Variants in KCNQ4 observed in about 807,000 individuals in gnomAD.
KCNQ4 encodes the protein potassium voltage-gated channel subfamily KQT member 4.
Under a neutral mutation model 72.6 loss-of-function variants are expected in KCNQ4, and 31 were observed. That is an observed-to-expected ratio of 0.43 (90% CI 0.32 to 0.58). The LOEUF is 0.58. KCNQ4 is among the 20% of genes least tolerant of loss of function. The pLI, the probability that KCNQ4 is intolerant of heterozygous loss-of-function variation, is 0.08. For missense variants in KCNQ4, 869 were observed against 962.6 expected (o/e 0.90, Z 1.29); for synonymous variants, 405 against 403.7 (o/e 1.00, Z -0.04).
intron 1 of KCNQ4, among the ~76,000 whole-genome samples, chr1:40,796,479 C>G (rs1647413932): frequency 6.6e-6 from 1 of 152,156 alleles, no homozygotes; most frequent in Non-Finnish European, 1.5e-5. Flanking sequence ...GGTTACGTGA[C>G]TTGCCTGGGT....
chr1:40,784,379 G>T lies in KCNQ4; in HGVS notation c.286G>T (p.Gly96Cys), dbSNP rs1172931093. The T allele has an allele frequency of 3.1e-6, 5 of 1,609,902 alleles. No homozygotes were observed. The highest frequency in any genetic ancestry group is 2.2e-5 in the East Asian group (1 of 44,808). Residue 96 changes from glycine to cysteine, a missense_variant, in exon 1 of 14, where the codon GGC becomes TGC. Coordinates refer to ENST00000347132, the MANE Select transcript of KCNQ4 (RefSeq NM_004700.4). This position sits in a 1 kb window ranked among gnomAD's most constrained non-coding sequence, Gnocchi z 4.1. ...CTACAACGTGCTGGAGCGGCCCCGC[G>T]GCTGGGCCTTCGTCTACCACGTCTT... ...WVYNVLERPR[G>C]WAFVYHVFIF...
chr1:40,814,586 C>A (rs1176914201), intron 1 of KCNQ4, among the ~76,000 whole-genome samples: 2 of 152,002 alleles, frequency 1.3e-5, no homozygotes, highest in Non-Finnish European at 2.9e-5. Flanking sequence ...TGCCTGTGGT[C>A]TCAGCTACTC....
chr1:40,784,508 C>T lies in KCNQ4; in HGVS notation c.314+101C>T. 1.8e-6 allele frequency: 2 copies of T among 1,133,942 alleles called. No individual in the cohort carries two copies. The highest frequency in any genetic ancestry group is 2.6e-6 in the Non-Finnish European group (2 of 766,214). The allele number at this position is 1,133,942 out of a possible 1,614,324, so 70.2% of individuals were successfully genotyped here. On this transcript the variant is annotated intron_variant, in intron 1 of 13. Transcript: ENST00000347132. The surrounding 1 kb of genome is among the most constrained non-coding windows in gnomAD (Gnocchi z 4.1). Reference sequence around the variant, plus strand: ...GGCTCCGCCTTCTACCCCCCTGCCTCAGGGCCGACCCTCATCTCTCTCCCC... The same window carrying T: ...GGCTCCGCCTTCTACCCCCCTGCCTTAGGGCCGACCCTCATCTCTCTCCCC...
chr1:40,808,237 G>A (rs769117110), intron 1 of KCNQ4, among the ~76,000 whole-genome samples: 2 of 152,150 alleles, frequency 1.3e-5, no homozygotes, highest in Non-Finnish European at 2.9e-5. Context: ...GGCAAGGCCT[G>A]GATCTGTATT....
rs368294870 is a variant in KCNQ4, at chr1:40,824,233, A to C, written c.1267A>C (p.Ser423Arg). 1.1e-5 allele frequency: 17 copies of C among 1,608,684 alleles called. No homozygotes were observed. In the African/African-American group the frequency reaches 2.0e-4, roughly 19 times the overall value. Residue 423 changes from serine (S) to arginine (R), a missense_variant, in exon 9 of 14, where the codon AGC becomes CGC. Ser to Arg is a moderately radical substitution (Grantham distance 110, BLOSUM62 -1). Around this residue, in one of 5 missense-constraint regions of KCNQ4, gnomAD observed 480 missense variants for 501.9 expected, o/e 0.96. Coordinates refer to ENST00000347132, the MANE Select transcript of KCNQ4 (RefSeq NM_004700.4). Reference protein sequence around the residue: ...PPVATCHRPGSTSFCPGESSR... With the variant: ...PPVATCHRPGRTSFCPGESSR... Reference sequence around the variant, plus strand: ...CGTTGCCACCTGCCACCGGCCGGGCAGCACCTCCTTCTGCCCTGGGGAAAG... The same window carrying C: ...CGTTGCCACCTGCCACCGGCCGGGCCGCACCTCCTTCTGCCCTGGGGAAAG...
chr1:40,821,798 A>G (rs1648303397), intron 7 of KCNQ4, among the ~76,000 whole-genome samples: 1 of 152,206 alleles, frequency 6.6e-6, no homozygotes, highest in Non-Finnish European at 1.5e-5. Flanking sequence ...TACACAATGA[A>G]TAGGTATTCA....
Position 40,818,697 on chromosome 1 carries a change from G to GC in KCNQ4, c.708+18dup. On this transcript the variant is annotated intron_variant, in intron 4 of 13. Coordinates refer to ENST00000347132, the MANE Select transcript of KCNQ4 (RefSeq NM_004700.4). Reference sequence around the variant, plus strand: ...CATAGCAAGGTGAGGCCTGCAAGCCGCGCGCGGAGACCCGAGGGCGTGTCT... The same window carrying GC: ...CATAGCAAGGTGAGGCCTGCAAGCCGCCGCGCGGAGACCCGAGGGCGTGTCT... 1 of 1,572,806 alleles carries GC rather than the reference G, an allele frequency of 6.4e-7. No individual in the cohort carries two copies. Among genetic ancestry groups the GC allele is most frequent in the Non-Finnish European group, 8.6e-7 (1 of 1,164,542 alleles).
intron 1 of KCNQ4, among the ~76,000 whole-genome samples, chr1:40,791,313 A>G (rs183250446): frequency 6.6e-6 from 1 of 152,130 alleles, no homozygotes; most frequent in Non-Finnish European, 1.5e-5. Flanking sequence ...CTTGAAATGC[A>G]TAGGGTACCA....
At chr1:40,803,320 A>G (rs1408288116) in intron 1 of KCNQ4, among the ~76,000 whole-genome samples, 1 of 152,140 alleles carries the variant, frequency 6.6e-6, no homozygotes, top group Non-Finnish European at 1.5e-5. Flanking sequence ...CCTCCCACTG[A>G]GGAATAAGCT....
At chr1:40,790,042 T>G (rs1647249145) in intron 1 of KCNQ4, among the ~76,000 whole-genome samples, 2 of 152,218 alleles carry the variant, frequency 1.3e-5, no homozygotes, top group South Asian at 4.1e-4. Context: ...GTGTGGGAGT[T>G]GAGAGGTTGA....
Position 40,824,240 on chromosome 1 carries a change from C to A in KCNQ4, c.1274C>A (p.Ser425Tyr). 1 of 1,608,752 alleles carries A rather than the reference C, an allele frequency of 6.2e-7. No individual in the cohort carries two copies. The highest frequency in any genetic ancestry group is 2.2e-5 in the East Asian group (1 of 44,694). ...ACCTGCCACCGGCCGGGCAGCACCT[C>A]CTTCTGCCCTGGGGAAAGGTAGGGG... ...VATCHRPGSTSFCPGESSRMG... is the reference protein window; with the variant it reads ...VATCHRPGSTYFCPGESSRMG... The change falls in exon 9 of 14, where the codon TCC becomes TAC. Residue 425 changes from serine (S) to tyrosine (Y), a missense_variant. Physicochemically the swap from Ser to Tyr is moderately radical, Grantham distance 144 (BLOSUM62 -2). Coordinates refer to ENST00000347132, the MANE Select transcript of KCNQ4 (RefSeq NM_004700.4).
chr1:40,831,028 C>A, intron 9 of KCNQ4, 56 bp from the exon 10 acceptor site: 1 of 1,472,004 alleles, frequency 6.8e-7, no homozygotes, highest in Non-Finnish European at 9.3e-7. Context: ...TCCCCACTCA[C>A]CCCCACCCCC....
In KCNQ4 at chr1:40,818,542, C is replaced by T. The variant is rs575623523; in HGVS notation, c.570C>T (p.Ala190=). The T allele has an allele frequency of 1.2e-6, 2 of 1,603,040 alleles. No homozygotes were observed. Among genetic ancestry groups the T allele is most frequent in the South Asian group, 1.1e-5 (1 of 91,062 alleles). Residue 190 remains alanine (A), a synonymous_variant, in exon 4 of 14, where the codon GCC becomes GCT. Transcript: ENST00000347132. ...IVFVASVAVI[A]AGTQGNIFAT... ...TCGTGGCCTCGGTGGCCGTCATCGCCGCGGGTACCCAGGGCAACATCTTCG... is the reference window on the plus strand; with the variant it reads ...TCGTGGCCTCGGTGGCCGTCATCGCTGCGGGTACCCAGGGCAACATCTTCG...
chr1:40,838,303 G>A lies in KCNQ4; in HGVS notation c.1876-8G>A, dbSNP rs749666621. 7.4e-6 allele frequency: 12 copies of A among 1,611,378 alleles called. No individual in the cohort carries two copies. In the South Asian group the frequency reaches 1.1e-4, roughly 15 times the overall value. On this transcript the variant is annotated splice_region_variant and splice_polypyrimidine_tract_variant and intron_variant, in intron 13 of 13. Coordinates refer to ENST00000347132, the MANE Select transcript of KCNQ4 (RefSeq NM_004700.4). Reference sequence around the variant, plus strand: ...AGGCCCTGCTTCCCAGCTGCGCCCCGTCCCCAGGTGCAGTCCATCGAGCAC... The same window carrying A: ...AGGCCCTGCTTCCCAGCTGCGCCCCATCCCCAGGTGCAGTCCATCGAGCAC...
intron 1 of KCNQ4, among the ~76,000 whole-genome samples, chr1:40,786,844 G>A (rs115285674): frequency 0.03 from 4,576 of 152,148 alleles, 216 homozygotes; most frequent in African/African-American, 0.099. Flanking sequence ...CCACACAGAA[G>A]GTCTCTCCTG....
At position 40,786,904 on chromosome 1, in the gene KCNQ4, T is replaced by C. The variant is rs527283077; in HGVS notation, c.314+2497T>C. ...GTTTCTCAGTCACACTGCAGGGTCT[T>C]GCCAGGAAGTACTTCCTGCTGTTGG... On this transcript the variant is annotated intron_variant, in intron 1 of 13. Coordinates refer to ENST00000347132, the MANE Select transcript of KCNQ4 (RefSeq NM_004700.4). 9.5e-4 allele frequency among the ~76,000 whole-genome samples: 144 copies of C among 152,268 alleles called. 1 individual carries two copies. The highest frequency in any genetic ancestry group is 2.8e-4 in the Non-Finnish European group (19 of 68,014).
chr1:40,826,444 A>G (rs1414145748), intron 9 of KCNQ4, among the ~76,000 whole-genome samples: 2 of 152,224 alleles, frequency 1.3e-5, no homozygotes, highest in Non-Finnish European at 2.9e-5. Flanking sequence ...CATATGTAAC[A>G]TGGTCCCCAG....
Position 40,838,666 on chromosome 1 carries a change from GT to G in KCNQ4, c.*144del. Reference sequence around the variant, plus strand: ...CCACACGCAGTATTGAGCTGCCTGAGTGGGCGTGGTACCTGCTGTGGGTGCC... The same window carrying G: ...CCACACGCAGTATTGAGCTGCCTGAGGGGCGTGGTACCTGCTGTGGGTGCC... On this transcript the variant is annotated 3_prime_UTR_variant, in exon 14 of 14. Transcript: ENST00000347132. The G allele has an allele frequency of 1.3e-6, 1 of 792,280 alleles. No homozygotes were observed. Among genetic ancestry groups the G allele is most frequent in the Non-Finnish European group, 2.1e-6 (1 of 472,246 alleles). 49.1% of individuals were successfully genotyped at this position (792,280 alleles called of 1,614,324 possible). A position where few individuals can be genotyped will look rare whatever the true frequency, so the allele number is the denominator to read the frequency against.
chr1:40,793,334 CT>C (rs1429367773), intron 1 of KCNQ4, among the ~76,000 whole-genome samples: 1 of 152,158 alleles, frequency 6.6e-6, no homozygotes, highest in Non-Finnish European at 1.5e-5. Flanking sequence ...AAACCTGCCT[CT>C]GTGGCTTTTC....
Sources: allele counts gnomAD v4.1 joint callset (sites outside exome capture counted in the v4.1 genomes callset), GRCh38; gene constraint gnomAD v4.1.1; regional missense constraint gnomAD v4.1.1; non-coding constraint Gnocchi (gnomAD v3.1); transcripts MANE v1.5; gene names NCBI Gene and HGNC (gene_info 2026-07-23, HGNC 2026-07-21).